DIP2C: variants seen among roughly 807,000 people sequenced by gnomAD.
DIP2C encodes disco-interacting protein 2 homolog C.
In DIP2C, 33 loss-of-function variants were observed where a neutral mutation model predicts 192.4. That is an observed-to-expected ratio of 0.17 (90% CI 0.13 to 0.23). The LOEUF (loss-of-function observed/expected upper bound fraction) is 0.23. DIP2C is among the 10% of genes least tolerant of loss of function. DIP2C has a pLI of 1.00. For synonymous variants in DIP2C, 979 were observed against 864.1 expected, an observed-to-expected ratio of 1.13 and a Z score of -2.33; for missense variants, 1,537 against 2,110.1, an observed-to-expected ratio of 0.73 and a Z score of 5.32.
intron 1 of DIP2C, among the ~76,000 whole-genome samples, chr10:557,669 T>G (rs1483274420): frequency 2.7e-5 from 1 of 36,550 alleles, no homozygotes; most frequent in Non-Finnish European, 4.7e-5. Context: ...CACATACACA[T>G]GTGGGGGTGG....
intron 1 of DIP2C, among the ~76,000 whole-genome samples, chr10:641,306 C>G (rs1235331769): frequency 6.6e-6 from 1 of 152,160 alleles, no homozygotes; most frequent in African/African-American, 2.4e-5. Flanking sequence ...TGCATCCAGG[C>G]AGGTCTTGTG....
chr10:310,573 G>A (rs951398456), intron 31 of DIP2C, among the ~76,000 whole-genome samples: 1 of 152,194 alleles, frequency 6.6e-6, no homozygotes, highest in Non-Finnish European at 1.5e-5. Context: ...TTGCTCCTCC[G>A]GGCTCTGCTG....
chr10:426,642 A>G (rs1474737578), intron 4 of DIP2C, among the ~76,000 whole-genome samples: 1 of 152,258 alleles, frequency 6.6e-6, no homozygotes, highest in East Asian at 1.9e-4. Context: ...TAGTATTAGC[A>G]GAAGAATAGA....
chr10:579,918 GTACA>G (rs1258428234), intron 1 of DIP2C, among the ~76,000 whole-genome samples: 2 of 151,822 alleles, frequency 1.3e-5, no homozygotes, highest in Non-Finnish European at 2.9e-5. Context: ...TGCATACAAT[GTACA>G]TATAGGTACA....
intron 1 of DIP2C, among the ~76,000 whole-genome samples, chr10:557,901 C>CAGGCAGGCAGG (rs1181007795): frequency 8.3e-5 from 1 of 12,022 alleles, no homozygotes; most frequent in African/African-American, 3.2e-4. Flanking sequence ...CAGGGGCAGG[C>CAGGCAGGCAGG]GGGGAAGGGG....
At position 340,312 on chromosome 10, in the gene DIP2C, G is replaced by C. The variant is rs75135303; in HGVS notation, c.3584+887C>G. Among the ~76,000 whole-genome samples, 229 of 151,890 alleles carry C rather than the reference G, an allele frequency of 1.5e-3. 5 individuals are homozygous for C. In the East Asian group the frequency reaches 0.039, roughly 26 times the overall value. On this transcript the variant is annotated intron_variant, in intron 29 of 36. Coordinates refer to ENST00000280886, the MANE Select transcript of DIP2C (RefSeq NM_014974.3). Reference sequence around the variant, plus strand: ...AAATGTGTAAAGAAGATTTATGAGTGAAATTATTTTTATGTTTGTGTTAGC... The same window carrying C: ...AAATGTGTAAAGAAGATTTATGAGTCAAATTATTTTTATGTTTGTGTTAGC...
chr10:340,830 A>G (rs751302878), intron 29 of DIP2C: 2 of 461,638 alleles, frequency 4.3e-6, no homozygotes, highest in South Asian at 3.1e-5. Flanking sequence ...GTGAAGCCTG[A>G]GGGAGGTGAC....
intron 1 of DIP2C, among the ~76,000 whole-genome samples, chr10:554,944 G>T (rs772278601): frequency 6.6e-6 from 1 of 152,148 alleles, no homozygotes; most frequent in Non-Finnish European, 1.5e-5. Context: ...TCTCTGGTTC[G>T]TCAGAGACAG....
chr10:578,039 T>C (rs1850288942), intron 1 of DIP2C, among the ~76,000 whole-genome samples: 1 of 152,188 alleles, frequency 6.6e-6, no homozygotes. Context: ...TCCAAATAAC[T>C]ACAATCTTAG....
Position 429,203 on chromosome 10 carries a change from G to A in DIP2C, c.395-6170C>T, listed in dbSNP as rs573912812. ...CCTCCTGCTTTGCCTATTCATCCCT[G>A]CCTCCCCCCGGACCCTGGCTGCCTC... On this transcript the variant is annotated intron_variant, in intron 4 of 36. Transcript: ENST00000280886. Among the ~76,000 whole-genome samples the A allele has an allele frequency of 3.2e-3, 420 of 131,910 alleles. 6 individuals are homozygous for A. Among genetic ancestry groups the A allele is most frequent in the African/African-American group, 0.015 (397 of 26,064 alleles). The allele number at this position is 131,910 out of a possible 152,430, so 86.5% of individuals were successfully genotyped here. A position where few individuals can be genotyped will look rare whatever the true frequency, so the allele number is the denominator to read the frequency against.
chr10:515,845 A>G (rs1456367835), intron 1 of DIP2C, among the ~76,000 whole-genome samples: 1 of 152,182 alleles, frequency 6.6e-6, no homozygotes, highest in African/African-American at 2.4e-5. Flanking sequence ...ATAAAATTCT[A>G]TTCTCGTCTC....
chr10:549,511 T>C (rs142732198), intron 1 of DIP2C, among the ~76,000 whole-genome samples: 1 of 152,066 alleles, frequency 6.6e-6, no homozygotes, highest in Non-Finnish European at 1.5e-5. Flanking sequence ...CACGCAGAAG[T>C]GACCCATACA....
At chr10:452,879 C>T (rs1351813414) in intron 3 of DIP2C, among the ~76,000 whole-genome samples, 1 of 152,192 alleles carries the variant, frequency 6.6e-6, no homozygotes, top group East Asian at 1.9e-4. Flanking sequence ...CAGGATGGAC[C>T]CATCTCCCTT....
rs1855858717 is a variant in DIP2C, at chr10:651,048, C to G, written c.85+38446G>C. 1.4e-6 allele frequency: 1 copy of G among 717,290 alleles called. No individual in the cohort carries two copies. Among genetic ancestry groups the G allele is most frequent in the Non-Finnish European group, 2.6e-6 (1 of 385,096 alleles). 44.4% of individuals were successfully genotyped at this position (717,290 alleles called of 1,614,324 possible). A position where few individuals can be genotyped will look rare whatever the true frequency, so the allele number is the denominator to read the frequency against. ...GTTTCTGCAGAAGCCCCTTTCCATC[C>G]TAGCCCCTGCCACCCCTCCTGCTCT... is the stretch of plus-strand genomic sequence containing the variant. On this transcript the variant is annotated intron_variant, in intron 1 of 36. Transcript: ENST00000280886. The surrounding 1 kb of genome is among the most constrained non-coding windows in gnomAD (Gnocchi z 4.1).
intron 1 of DIP2C, among the ~76,000 whole-genome samples, chr10:537,379 A>G (rs536314370): frequency 6.6e-6 from 1 of 152,338 alleles, no homozygotes; most frequent in East Asian, 1.9e-4. Context: ...TGTTTCTAAA[A>G]TACCCATCGT....
At chr10:610,026 C>G (rs1279114355) in intron 1 of DIP2C, among the ~76,000 whole-genome samples, 1 of 152,066 alleles carries the variant, frequency 6.6e-6, no homozygotes, top group East Asian at 1.9e-4. Flanking sequence ...AGTGACTGCT[C>G]CCAGCTTCAA....
chr10:475,127 G>A (rs971842053), intron 2 of DIP2C, among the ~76,000 whole-genome samples: 20 of 152,114 alleles, frequency 1.3e-4, no homozygotes, highest in African/African-American at 4.6e-4. Flanking sequence ...CCCCAAATCT[G>A]GAGCCTCCCA....
intron 31 of DIP2C, among the ~76,000 whole-genome samples, chr10:320,109 G>C (rs1445195951): frequency 2.6e-5 from 4 of 152,206 alleles, no homozygotes; most frequent in Non-Finnish European, 5.9e-5. Context: ...TGAGCTTTTA[G>C]CTGGTGAAGA....
rs371902003 is a variant in DIP2C, at chr10:328,258, C to T, written c.3754-1082G>A. Among the ~76,000 whole-genome samples, 9 of 152,282 alleles carry T rather than the reference C, an allele frequency of 5.9e-5. No individual in the cohort carries two copies. In the South Asian group the frequency reaches 1.0e-3, roughly 18 times the overall value. The stretch of plus-strand genomic sequence containing the variant: ...GACACAAATTACATATTCACACGCG[C>T]GCACGTCTGAGAGGTAAAGCAGCAT... On this transcript the variant is annotated intron_variant, in intron 30 of 36. Coordinates refer to ENST00000280886, the MANE Select transcript of DIP2C (RefSeq NM_014974.3).
Sources: allele counts gnomAD v4.1 joint callset (sites outside exome capture counted in the v4.1 genomes callset), GRCh38; gene constraint gnomAD v4.1.1; non-coding constraint Gnocchi (gnomAD v3.1); transcripts MANE v1.5; gene names NCBI Gene and HGNC (gene_info 2026-07-23, HGNC 2026-07-21).